NUB1: variants seen among roughly 807,000 people sequenced by gnomAD.
NUB1 encodes the protein NEDD8 ultimate buster 1.
In NUB1, 41 loss-of-function variants were observed where a neutral mutation model predicts 77.1. The ratio of observed to expected loss-of-function variants is 0.53; its 90% CI spans 0.41 to 0.69. NUB1 has a LOEUF of 0.69. Among genes scored for constraint, NUB1 ranks in the 30% least tolerant of loss-of-function variants. The pLI is 0.00. For missense variants in NUB1, 643 were observed against 743.8 expected, an observed-to-expected ratio of 0.86 and a Z score of 1.58; for synonymous variants, 257 against 281.0, an observed-to-expected ratio of 0.91 and a Z score of 0.85.
chr7:151,367,890 T>C lies in NUB1; in HGVS notation c.1017T>C (p.Phe339=), dbSNP rs776980077. 1 of 1,601,104 alleles carries C rather than the reference T, an allele frequency of 6.2e-7. No individual in the cohort carries two copies. The highest frequency in any genetic ancestry group is 8.5e-7 in the Non-Finnish European group (1 of 1,172,674). ...KGNCGKEKVL[F]LRLYLLQGIR... is the part of the protein sequence containing the mutation. ...ATTGTGGGAAAGAGAAGGTACTGTT[T>C]CTAAGACTCTACTTACTTCAAGGGA... is the stretch of plus-strand genomic sequence containing the variant. Residue 339 remains phenylalanine (F), a synonymous_variant, in exon 10 of 15, where the codon TTT becomes TTC. Coordinates refer to ENST00000568733, the MANE Select transcript of NUB1 (RefSeq NM_001243351.2).
intron 7 of NUB1, among the ~76,000 whole-genome samples, chr7:151,359,568 G>A (rs1336936724): frequency 4.1e-5 from 6 of 146,690 alleles, no homozygotes; most frequent in African/African-American, 2.8e-5. Flanking sequence ...ACCTGAGGTC[G>A]GGAGTTTGAG....
chr7:151,358,092 C>T (rs1797172228), intron 7 of NUB1, among the ~76,000 whole-genome samples: 1 of 151,978 alleles, frequency 6.6e-6, no homozygotes, highest in African/African-American at 2.4e-5. Context: ...TCTCCTGCCT[C>T]AGCCTCCTGA....
intron 11 of NUB1, among the ~76,000 whole-genome samples, chr7:151,370,652 C>T (rs1281286428): frequency 6.6e-6 from 1 of 151,574 alleles, no homozygotes; most frequent in Middle Eastern, 3.2e-3. Context: ...ATTAACTCGT[C>T]ATTTAGCATT....
Position 151,355,755 on chromosome 7 carries a change from C to A in NUB1, c.416-13C>A, listed in dbSNP as rs1563016096. ...TGGCTTTTTAAAATAATAGGCAGTTCTGATTTTTATAGGGAAAACCCTTGA... is the reference window on the plus strand; with the variant it reads ...TGGCTTTTTAAAATAATAGGCAGTTATGATTTTTATAGGGAAAACCCTTGA... On this transcript the variant is annotated splice_polypyrimidine_tract_variant and intron_variant, in intron 5 of 14. Transcript: ENST00000568733. The A allele has an allele frequency of 1.3e-6, 2 of 1,563,920 alleles. No individual in the cohort carries two copies. Among genetic ancestry groups the A allele is most frequent in the South Asian group, 1.2e-5 (1 of 83,446 alleles).
intron 11 of NUB1, among the ~76,000 whole-genome samples, chr7:151,371,741 A>G (rs1288201280): frequency 6.6e-6 from 1 of 152,188 alleles, no homozygotes; most frequent in Non-Finnish European, 1.5e-5. Context: ...AATGTAAAAC[A>G]ATTCGTTCAT....
rs771159791 is a variant in NUB1, at chr7:151,356,207, C to A, written c.678C>A (p.Pro226=). The A allele has an allele frequency of 2.5e-6, 4 of 1,611,808 alleles. No homozygotes were observed. The highest frequency in any genetic ancestry group is 3.3e-5 in the Admixed American group (2 of 59,994). ...AGACAGGCAGATCAATCAGAATTCC[C>A]CCATCAGAAAGAAAAGTAAGTACTA... The part of the protein sequence containing the change: ...ANQTGRSIRI[P]PSERKALMLA... The change falls in exon 7 of 15, where the codon CCC becomes CCA. Residue 226 remains proline (P), a synonymous_variant. Transcript: ENST00000568733.
In NUB1 at chr7:151,346,770, G is replaced by T. The variant is rs150694159; in HGVS notation, c.117+1304G>T. Among the ~76,000 whole-genome samples, 567 of 152,272 alleles carry T rather than the reference G, an allele frequency of 3.7e-3. 5 individuals carry two copies. Among genetic ancestry groups the T allele is most frequent in the African/African-American group, 0.013 (528 of 41,548 alleles). ...AATGGTTATTTGTATCCTTTGTAAT[G>T]AACTATATTCATAAGTATACCATTT... On this transcript the variant is annotated intron_variant, in intron 2 of 14. Coordinates refer to ENST00000568733, the MANE Select transcript of NUB1 (RefSeq NM_001243351.2).
At chr7:151,371,431 C>T (rs1797955173) in intron 11 of NUB1, among the ~76,000 whole-genome samples, 1 of 141,756 alleles carries the variant, frequency 7.1e-6, no homozygotes, top group Admixed American at 7.7e-5. Context: ...CCAGAATCCT[C>T]AGGGAAAATC....
chr7:151,374,695 G>T (rs1376646840), intron 12 of NUB1: 1 of 191,152 alleles, frequency 5.2e-6, no homozygotes, highest in Non-Finnish European at 1.1e-5. Flanking sequence ...AACCCCTCAG[G>T]AGTGACAGCA....
chr7:151,347,465 C>G (rs1244397924), intron 2 of NUB1, among the ~76,000 whole-genome samples: 1 of 151,788 alleles, frequency 6.6e-6, no homozygotes, highest in Non-Finnish European at 1.5e-5. Context: ...AATTTTTTTT[C>G]CTTTTTTTTT....
chr7:151,356,873 A>G (rs929799896), intron 7 of NUB1, among the ~76,000 whole-genome samples: 1 of 152,098 alleles, frequency 6.6e-6, no homozygotes, highest in African/African-American at 2.4e-5. Flanking sequence ...ATGTGCCACC[A>G]CGGATGGCTA....
intron 9 of NUB1, 137 bp downstream of exon 9, chr7:151,367,262 ATATATT>A (rs1270563472): frequency 1.0e-5 from 7 of 669,178 alleles, no homozygotes; most frequent in East Asian, 5.6e-5. Context: ...TTTTTAAACT[ATATATT>A]TATAAAGTGT....
At chr7:151,372,647 C>T (rs1004138143) in intron 11 of NUB1, among the ~76,000 whole-genome samples, 5 of 152,054 alleles carry the variant, frequency 3.3e-5, no homozygotes, top group South Asian at 2.1e-4. Flanking sequence ...AGGTCAGTTT[C>T]GAAGCATTGT....
intron 1 of NUB1, 46 bp downstream of exon 1, chr7:151,341,892 A>G: frequency 6.9e-7 from 1 of 1,454,808 alleles, no homozygotes; most frequent in Non-Finnish European, 9.0e-7. Context: ...CCTCAGCAGC[A>G]CTGCTTGGCG....
chr7:151,363,104 T>G (rs1397953639), intron 8 of NUB1, among the ~76,000 whole-genome samples: 1 of 151,996 alleles, frequency 6.6e-6, no homozygotes, highest in Non-Finnish European at 1.5e-5. Flanking sequence ...CACTGAAAAA[T>G]TAGCAGGCAT....
chr7:151,373,194 G>A (rs1198587753), intron 11 of NUB1, among the ~76,000 whole-genome samples: 2 of 152,112 alleles, frequency 1.3e-5, no homozygotes, highest in Non-Finnish European at 2.9e-5. Context: ...GCTGATGGTG[G>A]GGCTGGTCTC....
intron 5 of NUB1, among the ~76,000 whole-genome samples, chr7:151,355,355 TG>T: frequency 6.6e-6 from 1 of 152,356 alleles, no homozygotes; most frequent in Non-Finnish European, 1.5e-5. Flanking sequence ...TTACCAATTA[TG>T]TGGCGTGATG....
Position 151,360,177 on chromosome 7 carries a change from A to T in NUB1, c.730A>T (p.Arg244Ter), listed in dbSNP as rs1446327377. 1.2e-6 allele frequency: 2 copies of T among 1,608,830 alleles called. No homozygotes were observed. Among genetic ancestry groups the T allele is most frequent in the Admixed American group, 3.3e-5 (2 of 60,012 alleles). The change falls in exon 8 of 15, where the codon AGA becomes TGA. Residue 244 changes from arginine to a stop codon, truncating the protein, a stop_gained. Coordinates refer to ENST00000568733, the MANE Select transcript of NUB1 (RefSeq NM_001243351.2). LOFTEE classifies it high-confidence loss of function. ...MLAMGYHEKG[R>*]AFLKRKEYGI... Reference sequence around the variant, plus strand: ...AGCTATGGGATATCATGAGAAGGGCAGAGCTTTCCTGAAAAGAAAAGAATA... The same window carrying T: ...AGCTATGGGATATCATGAGAAGGGCTGAGCTTTCCTGAAAAGAAAAGAATA...
chr7:151,342,012 G>A, intron 1 of NUB1, 166 bp downstream of exon 1: 7 of 1,243,700 alleles, frequency 5.6e-6, no homozygotes, highest in Non-Finnish European at 7.1e-6. Context: ...GCCGGGGCCG[G>A]GAGCGGTGGG....
Sources: allele counts gnomAD v4.1 joint callset (sites outside exome capture counted in the v4.1 genomes callset), GRCh38; gene constraint gnomAD v4.1.1; transcripts MANE v1.5; gene names NCBI Gene and HGNC (gene_info 2026-07-23, HGNC 2026-07-21).